STXBP6: variants seen among roughly 807,000 people sequenced by gnomAD.
The protein encoded by STXBP6 is syntaxin-binding protein 6.
A neutral mutation model predicts 26.9 loss-of-function variants in STXBP6; 21 were observed. The ratio of observed to expected loss-of-function variants is 0.78; its 90% confidence interval spans 0.55 to 1.12. STXBP6 has a LOEUF of 1.12. Among genes scored for constraint, STXBP6 ranks in the 50% most tolerant of loss-of-function variants. The probability of loss-of-function intolerance (pLI) is 0.00; values close to 1 mark genes in which losing one functional copy is unlikely to be tolerated. For synonymous variants in STXBP6, 97 were observed against 92.6 expected, an observed-to-expected ratio of 1.05 and a Z score of -0.27; for missense variants, 232 against 257.9, an observed-to-expected ratio of 0.90 and a Z score of 0.69.
chr14:24,865,018 T>G (rs910908765), intron 2 of STXBP6, among the ~76,000 whole-genome samples: 2 of 151,970 alleles, frequency 1.3e-5, no homozygotes, highest in Non-Finnish European at 2.9e-5. Flanking sequence ...ATTATAAAAA[T>G]TATCTAAAAT....
At chr14:25,012,041 G>C (rs1217589273) in intron 1 of STXBP6, among the ~76,000 whole-genome samples, 1 of 152,004 alleles carries the variant, frequency 6.6e-6, no homozygotes, top group Non-Finnish European at 1.5e-5. Flanking sequence ...CAGTACAACG[G>C]GACAAAAACA....
Position 24,882,911 on chromosome 14 carries a change from GCTC to G in STXBP6, c.155-25757_155-25755del, listed in dbSNP as rs916097270. Among the ~76,000 whole-genome samples, 7 of 152,134 alleles carry G rather than the reference GCTC, an allele frequency of 4.6e-5. 2 individuals are homozygous for G. Among genetic ancestry groups the G allele is most frequent in the Admixed American group, 3.9e-4 (6 of 15,284 alleles). ...TCAGTCAGTAATATTTCTAGGAACT[GCTC>G]CTGAGAAAATAATAGTGAATGTGAA... On this transcript the variant is annotated intron_variant, in intron 2 of 5. Transcript: ENST00000323944.
intron 2 of STXBP6, among the ~76,000 whole-genome samples, chr14:24,933,870 AACTT>A (rs1319260004): frequency 6.6e-6 from 1 of 152,210 alleles, no homozygotes; most frequent in Non-Finnish European, 1.5e-5. Context: ...GTTAAAAGAA[AACTT>A]ACTTCTATGT....
At chr14:24,821,086 G>A (rs1415644036) in intron 4 of STXBP6, among the ~76,000 whole-genome samples, 41 of 152,176 alleles carry the variant, frequency 2.7e-4, no homozygotes, top group Admixed American at 2.6e-3. Flanking sequence ...CCAATGGGGT[G>A]GAACAGGAAG....
intron 1 of STXBP6, among the ~76,000 whole-genome samples, chr14:25,037,630 C>G (rs1334634559): frequency 6.6e-6 from 1 of 152,196 alleles, no homozygotes; most frequent in African/African-American, 2.4e-5. Context: ...TCCAGTGGGA[C>G]TGGGCTCTGA....
chr14:24,989,625 T>G (rs1006958727), intron 1 of STXBP6, among the ~76,000 whole-genome samples: 30 of 152,194 alleles, frequency 2.0e-4, no homozygotes, highest in African/African-American at 6.0e-4. Flanking sequence ...GGGAGGGGGA[T>G]GGCAGTATGG....
chr14:24,834,678 G>A (rs754034805), intron 4 of STXBP6, among the ~76,000 whole-genome samples: 1 of 152,162 alleles, frequency 6.6e-6, no homozygotes, highest in Non-Finnish European at 1.5e-5. Flanking sequence ...CTAGTGATTA[G>A]ACCATTGTAA....
intron 2 of STXBP6, among the ~76,000 whole-genome samples, chr14:24,943,600 C>T (rs1018629630): frequency 2.6e-5 from 4 of 152,122 alleles, no homozygotes; most frequent in African/African-American, 9.7e-5. Context: ...ATGGAAACTG[C>T]CAGGTTTACT....
chr14:24,840,087 GAAC>G (rs2068742483), intron 4 of STXBP6, among the ~76,000 whole-genome samples: 1 of 152,190 alleles, frequency 6.6e-6, no homozygotes, highest in African/African-American at 2.4e-5. Flanking sequence ...CTGTATGGGA[GAAC>G]TACTACTCTA....
chr14:25,001,734 T>G (rs928224686), intron 1 of STXBP6, among the ~76,000 whole-genome samples: 2 of 152,256 alleles, frequency 1.3e-5, no homozygotes, highest in African/African-American at 4.8e-5. Context: ...ATCATTACTT[T>G]GTCTCTTCAG....
At chr14:25,017,597 G>A (rs1425884497) in intron 1 of STXBP6, among the ~76,000 whole-genome samples, 1 of 152,202 alleles carries the variant, frequency 6.6e-6, no homozygotes, top group African/African-American at 2.4e-5. Flanking sequence ...AGACTCCAGG[G>A]GAACCTACAA....
intron 2 of STXBP6, among the ~76,000 whole-genome samples, chr14:24,905,855 G>A (rs1052392727): frequency 4.6e-5 from 7 of 152,278 alleles, no homozygotes; most frequent in African/African-American, 1.7e-4. Flanking sequence ...CCACACCTGT[G>A]CACCTGCATG....
At chr14:25,022,310 C>G (rs986422306) in intron 1 of STXBP6, among the ~76,000 whole-genome samples, 4 of 152,154 alleles carry the variant, frequency 2.6e-5, no homozygotes, top group Non-Finnish European at 5.9e-5. Context: ...GACCTCCAGG[C>G]CACATCCTGC....
At chr14:25,034,167 G>A (rs1018609926) in intron 1 of STXBP6, among the ~76,000 whole-genome samples, 6 of 152,088 alleles carry the variant, frequency 3.9e-5, no homozygotes, top group South Asian at 4.2e-4. Context: ...AGGAGGTACC[G>A]GTAATAATAC....
intron 2 of STXBP6, among the ~76,000 whole-genome samples, chr14:24,959,526 T>G (rs2073458373): frequency 6.6e-6 from 1 of 152,188 alleles, no homozygotes; most frequent in African/African-American, 2.4e-5. Flanking sequence ...AGTTCCCAAT[T>G]TCATGGAAAA....
At chr14:24,867,370 A>C (rs1446207135) in intron 2 of STXBP6, among the ~76,000 whole-genome samples, 5 of 152,204 alleles carry the variant, frequency 3.3e-5, no homozygotes, top group Admixed American at 3.3e-4. Context: ...ATAATTGCCT[A>C]GTTTCAGGTA....
intron 2 of STXBP6, among the ~76,000 whole-genome samples, chr14:24,882,560 T>C (rs1394045020): frequency 6.6e-6 from 1 of 152,026 alleles, no homozygotes; most frequent in Non-Finnish European, 1.5e-5. Flanking sequence ...GTGTTTCTAG[T>C]ACTCTGCTTC....
At chr14:24,979,529 T>C (rs2074132423) in intron 1 of STXBP6, among the ~76,000 whole-genome samples, 10 of 152,228 alleles carry the variant, frequency 6.6e-5, no homozygotes, top group Admixed American at 6.5e-4. Context: ...AAATTAGACT[T>C]CTTTGCATTA....
chr14:24,956,141 C>CT (rs1293538774), intron 2 of STXBP6, among the ~76,000 whole-genome samples: 2 of 151,946 alleles, frequency 1.3e-5, no homozygotes, highest in African/African-American at 4.8e-5. Context: ...AAAACAGTGG[C>CT]TACTAGGTGT....
Sources: allele counts gnomAD v4.1 joint callset (sites outside exome capture counted in the v4.1 genomes callset), GRCh38; gene constraint gnomAD v4.1.1; transcripts MANE v1.5; gene names NCBI Gene and HGNC (gene_info 2026-07-23, HGNC 2026-07-21).